DHX15: variants seen among roughly 807,000 people sequenced by gnomAD.
DHX15 encodes the protein ATP-dependent RNA helicase DHX15.
Under a neutral mutation model 94.4 loss-of-function variants are expected in DHX15, and 11 were observed. The ratio of observed to expected loss-of-function variants is 0.12; its 90% confidence interval spans 0.07 to 0.19. DHX15 has a LOEUF of 0.19. DHX15 is among the 10% of genes least tolerant of loss of function. DHX15 has a pLI of 1.00. For missense variants in DHX15, 304 were observed against 988.5 expected, an observed-to-expected ratio of 0.31 and a Z score of 9.29; for synonymous variants, 338 against 329.9, an observed-to-expected ratio of 1.02 and a Z score of -0.27.
intron 2 of DHX15, 108 bp downstream of exon 2, chr4:24,576,135 A>C: frequency 1.2e-6 from 1 of 840,626 alleles, no homozygotes; most frequent in Admixed American, 2.7e-5. Flanking sequence ...GCTATTCTTC[A>C]AGATGTTCTA....
Position 24,584,410 on chromosome 4 carries a change from CG to C in DHX15, c.-18del. On this transcript the variant is annotated 5_prime_UTR_variant, in exon 1 of 14. Transcript: ENST00000336812. Reference sequence around the variant, plus strand: ...CTTGGACATCCTCGCACTCTTCGAACGGGCAGTTATTAAGGAAGAAAGCTGG... The same window carrying C: ...CTTGGACATCCTCGCACTCTTCGAACGGCAGTTATTAAGGAAGAAAGCTGG... 6.2e-7 allele frequency: 1 copy of C among 1,609,374 alleles called. No homozygotes were observed. Among genetic ancestry groups the C allele is most frequent in the East Asian group, 2.2e-5 (1 of 44,510 alleles).
intron 6 of DHX15, among the ~76,000 whole-genome samples, chr4:24,543,934 G>C (rs1393276108): frequency 6.6e-6 from 1 of 152,132 alleles, no homozygotes; most frequent in African/African-American, 2.4e-5. Context: ...CCATTTGTAA[G>C]GGATGATTAG....
intron 5 of DHX15, among the ~76,000 whole-genome samples, chr4:24,549,772 ACAAAAGGCATGG>A (rs1434193183): frequency 1.3e-5 from 2 of 152,138 alleles, no homozygotes; most frequent in African/African-American, 2.4e-5. Context: ...GTTCATCTAA[ACAAAAGGCATGG>A]CAAAAATATG....
intron 2 of DHX15, among the ~76,000 whole-genome samples, chr4:24,575,983 C>T (rs546515144): frequency 3.3e-5 from 5 of 152,114 alleles, no homozygotes; most frequent in Admixed American, 6.5e-5. Context: ...CTGTACTGTC[C>T]GGGAGTCAAA....
At chr4:24,532,074 A>G (rs1352870794) in intron 12 of DHX15, among the ~76,000 whole-genome samples, 1 of 152,134 alleles carries the variant, frequency 6.6e-6, no homozygotes, top group Non-Finnish European at 1.5e-5. Context: ...CTTATCCCAA[A>G]TCAGGTGATT....
intron 11 of DHX15, chr4:24,533,265 G>C: frequency 1.8e-6 from 1 of 569,208 alleles, no homozygotes; most frequent in South Asian, 2.3e-5. Flanking sequence ...CAAGGCTTTT[G>C]GATTTGGATG....
At chr4:24,532,055 T>C (rs903361929) in intron 12 of DHX15, among the ~76,000 whole-genome samples, 7 of 152,180 alleles carry the variant, frequency 4.6e-5, no homozygotes, top group Admixed American at 3.9e-4. Flanking sequence ...AGAAAAGAGA[T>C]AGAAGAGACT....
At chr4:24,581,931 T>C (rs1722425277) in intron 1 of DHX15, among the ~76,000 whole-genome samples, 1 of 152,230 alleles carries the variant, frequency 6.6e-6, no homozygotes, top group African/African-American at 2.4e-5. Context: ...TAAAGCCTTA[T>C]ATAGTTTGGG....
intron 6 of DHX15, among the ~76,000 whole-genome samples, chr4:24,544,320 G>C (rs7671437): frequency 0.054 from 8,156 of 152,096 alleles, 335 homozygotes; most frequent in African/African-American, 0.11. Flanking sequence ...CTAAGTAGTA[G>C]ACTTCCCAAA....
Position 24,527,783 on chromosome 4 carries a change from GAATA to G in DHX15, c.*137_*140del, listed in dbSNP as rs71730324. The G allele has an allele frequency of 0.013, 7,424 of 581,298 alleles. 53 individuals carry two copies. Among genetic ancestry groups the G allele is most frequent in the Non-Finnish European group, 0.017 (5,505 of 326,944 alleles). The allele number at this position is 581,298 out of a possible 1,614,324, so 36.0% of individuals were successfully genotyped here. A position where few individuals can be genotyped will look rare whatever the true frequency, so the allele number is the denominator to read the frequency against. ...ATGTTTAATTTATGAAATCAGAATG[GAATA>G]TTTACTGTAAAGAAAAATTAAAAAG... is the stretch of plus-strand genomic sequence containing the variant. On this transcript the variant is annotated 3_prime_UTR_variant, in exon 14 of 14. Coordinates refer to ENST00000336812, the MANE Select transcript of DHX15 (RefSeq NM_001358.3).
Position 24,527,646 on chromosome 4 carries a change from C to T in DHX15, c.*278G>A, listed in dbSNP as rs2109389199. On this transcript the variant is annotated 3_prime_UTR_variant, in exon 14 of 14. Transcript: ENST00000336812. ...ATTTTAGAAGCATTTTCAACCATTT[C>T]TAAAGAAATGCTTATAACATTGTTA... is the stretch of plus-strand genomic sequence containing the variant. The T allele has an allele frequency of 3.4e-6, 1 of 290,484 alleles. No individual in the cohort carries two copies. The highest frequency in any genetic ancestry group is 6.3e-5 in the East Asian group (1 of 15,932). 18.0% of individuals were successfully genotyped at this position (290,484 alleles called of 1,614,324 possible). A position where few individuals can be genotyped will look rare whatever the true frequency, so the allele number is the denominator to read the frequency against.
rs908799974 is a variant in DHX15, at chr4:24,572,144, T to G, written c.508-1297A>C. Among the ~76,000 whole-genome samples the G allele has an allele frequency of 2.9e-4, 44 of 152,294 alleles. 1 individual carries two copies. Among genetic ancestry groups the G allele is most frequent in the Non-Finnish European group, 7.4e-5 (5 of 68,016 alleles). On this transcript the variant is annotated intron_variant, in intron 2 of 13. Transcript: ENST00000336812. ...GCAAGAATGTTCAGATCTTTTGTTT[T>G]TTTGTTTGTTTTTTGAGATGGAATC...
At chr4:24,542,550 T>C (rs879263805) in intron 7 of DHX15, among the ~76,000 whole-genome samples, 4 of 152,192 alleles carry the variant, frequency 2.6e-5, no homozygotes, top group African/African-American at 4.8e-5. Context: ...AGGAGTAACA[T>C]AGTACTGTTT....
intron 2 of DHX15, among the ~76,000 whole-genome samples, chr4:24,575,294 C>T (rs912354486): frequency 6.6e-6 from 1 of 152,066 alleles, no homozygotes. Flanking sequence ...ATTGTGTATG[C>T]GGTATGTTCA....
At chr4:24,542,632 A>G (rs910834701) in intron 7 of DHX15, among the ~76,000 whole-genome samples, 1 of 152,138 alleles carries the variant, frequency 6.6e-6, no homozygotes, top group Admixed American at 6.6e-5. Flanking sequence ...GCAGGGATAG[A>G]AATCCTGTAC....
chr4:24,580,114 T>C (rs951180778), intron 1 of DHX15, among the ~76,000 whole-genome samples: 2 of 152,272 alleles, frequency 1.3e-5, no homozygotes, highest in African/African-American at 4.8e-5. Context: ...CATGTTAAAA[T>C]TCTACATGGA....
At chr4:24,566,763 T>A (rs940365179) in intron 3 of DHX15, among the ~76,000 whole-genome samples, 1 of 151,796 alleles carries the variant, frequency 6.6e-6, no homozygotes, top group Non-Finnish European at 1.5e-5. Flanking sequence ...CGGGTGGAGG[T>A]TGCAGTGAGC....
intron 11 of DHX15, chr4:24,534,294 C>T (rs778734803): frequency 1.3e-5 from 2 of 152,118 alleles, no homozygotes; most frequent in Non-Finnish European, 2.9e-5. Context: ...GAAAAATGCC[C>T]AAGCTGGACA....
At position 24,537,355 on chromosome 4, in the gene DHX15, G is replaced by A. The variant is rs1577333577; in HGVS notation, c.1787-182C>T. ...GGTACATCAACACCTAACCACATCT[G>A]TAAGACAAGAGGGTTTCAAAGCTAC... On this transcript the variant is annotated intron_variant, in intron 10 of 13. Coordinates refer to ENST00000336812, the MANE Select transcript of DHX15 (RefSeq NM_001358.3). The surrounding 1 kb of genome is among the most constrained non-coding windows in gnomAD (Gnocchi z 4.7). 1.6e-6 allele frequency: 1 copy of A among 623,436 alleles called. No homozygotes were observed. The highest frequency in any genetic ancestry group is 3.2e-5 in the East Asian group (1 of 31,098). 38.6% of individuals were successfully genotyped at this position (623,436 alleles called of 1,614,324 possible).
Sources: gnomAD v4.1 joint callset for allele counts (sites outside exome capture counted in the v4.1 genomes callset) on GRCh38, gnomAD v4.1.1 for gene constraint, Gnocchi (gnomAD v3.1) non-coding constraint, MANE v1.5 for transcripts, NCBI Gene and HGNC (gene_info 2026-07-23, HGNC 2026-07-21) for gene names.